The following INPP5F variants were observed in gnomAD, a reference collection of about 807,000 sequenced individuals.
INPP5F encodes the protein inositol polyphosphate-5-phosphatase F.
Under a neutral mutation model 137.2 loss-of-function variants are expected in INPP5F, and 97 were observed. The ratio of observed to expected loss-of-function variants is 0.71; its 90% CI spans 0.60 to 0.84. INPP5F has a LOEUF of 0.84. Among genes scored for constraint, INPP5F ranks in the 40% least tolerant of loss-of-function variants. The probability of loss-of-function intolerance (pLI) is 0.00; values close to 1 mark genes in which losing one functional copy is unlikely to be tolerated. For synonymous variants in INPP5F, 504 were observed against 476.9 expected, an observed-to-expected ratio of 1.06 and a Z score of -0.74; for missense variants, 1,271 against 1,371.9, an observed-to-expected ratio of 0.93 and a Z score of 1.16.
rs143716478 is a variant in INPP5F at position 119,826,911 on chromosome 10, C to G, written c.2530C>G (p.Gln844Glu). Residue 844 changes from glutamine (Q) to glutamate (E), a missense_variant, in exon 20 of 20, where the codon CAG (glutamine) becomes GAG (glutamate). This residue lies in a region of INPP5F where 490 missense variants were observed against 443.7 expected (regional missense o/e 1.10). Transcript: ENST00000650623. ...MENTGVMDKV[Q>E]AESDGDMSSD... ...AAACACAGGAGTGATGGATAAGGTT[C>G]AGGCAGAGTCTGATGGGGACATGTC... is the stretch of plus-strand genomic sequence containing the variant. 3.7e-5 allele frequency: 59 copies of G among 1,614,120 alleles called. No individual in the cohort carries two copies. In the East Asian group the frequency reaches 8.9e-4, roughly 24 times the overall value.
chr10:119,756,633 C>A (rs755402711), intron 2 of INPP5F, among the ~76,000 whole-genome samples: 5 of 151,210 alleles, frequency 3.3e-5, no homozygotes, highest in Non-Finnish European at 5.9e-5. Flanking sequence ...AAGACTCTGT[C>A]AAAAAAACAA....
intron 13 of INPP5F, among the ~76,000 whole-genome samples, chr10:119,809,623 G>C (rs1850948498): frequency 6.6e-6 from 1 of 152,178 alleles, no homozygotes; most frequent in Admixed American, 6.5e-5. Flanking sequence ...TGTGCAGCAA[G>C]GTAAGGAAAC....
chr10:119,765,625 A>G (rs1398998142), intron 2 of INPP5F, among the ~76,000 whole-genome samples: 2 of 146,882 alleles, frequency 1.4e-5, no homozygotes, highest in Non-Finnish European at 3.0e-5. Context: ...CGGGTCATCC[A>G]ACTATCTCGG....
At chr10:119,788,803 T>C (rs1431414022) in intron 3 of INPP5F, among the ~76,000 whole-genome samples, 2 of 152,226 alleles carry the variant, frequency 1.3e-5, no homozygotes, top group African/African-American at 4.8e-5. Flanking sequence ...AAGAGAACAA[T>C]GGACTCGGTC....
chr10:119,796,465 T>A (rs546744718), intron 6 of INPP5F, among the ~76,000 whole-genome samples: 132 of 152,218 alleles, frequency 8.7e-4, no homozygotes, highest in African/African-American at 3.0e-3. Flanking sequence ...CCTCAGTGAG[T>A]TAATAAATGG....
chr10:119,806,533 T>C (rs528251363), intron 12 of INPP5F, 53 bp downstream of exon 12: 50 of 1,501,954 alleles, frequency 3.3e-5, no homozygotes, highest in South Asian at 2.1e-4. Context: ...GCTTTTTTTT[T>C]CCATGAGTAA....
chr10:119,764,303 T>C lies in INPP5F; in HGVS notation c.178+13147T>C, dbSNP rs373807721. Among the ~76,000 whole-genome samples the C allele has an allele frequency of 2.0e-3, 300 of 152,282 alleles. 1 individual carries two copies. The highest frequency in any genetic ancestry group is 6.9e-3 in the African/African-American group (288 of 41,558). Reference sequence around the variant, plus strand: ...CTCGATTAGGGCTTTCCAGAACCAATAGTGTATACGCGCGCATGTGCTTGC... The same window carrying C: ...CTCGATTAGGGCTTTCCAGAACCAACAGTGTATACGCGCGCATGTGCTTGC... On this transcript the variant is annotated intron_variant, in intron 2 of 19. Transcript: ENST00000650623.
chr10:119,791,841 G>A lies in INPP5F; in HGVS notation c.445-28G>A, dbSNP rs117993929. ...CCAGACTACTTTACATTTAATTTCTGTAGTAATAGTAGATTAATTTCTTAT... is the reference window on the plus strand; with the variant it reads ...CCAGACTACTTTACATTTAATTTCTATAGTAATAGTAGATTAATTTCTTAT... On this transcript the variant is annotated intron_variant, in intron 4 of 19. Transcript: ENST00000650623. 3,008 of 1,520,466 alleles carry A rather than the reference G, an allele frequency of 2.0e-3. 6 individuals carry two copies. The highest frequency in any genetic ancestry group is 3.0e-3 in the Middle Eastern group (17 of 5,706). The allele number at this position is 1,520,466 out of a possible 1,614,324, so 94.2% of individuals were successfully genotyped here.
At chr10:119,789,745 A>G (rs931361902) in intron 3 of INPP5F, among the ~76,000 whole-genome samples, 1 of 151,914 alleles carries the variant, frequency 6.6e-6, no homozygotes, top group Non-Finnish European at 1.5e-5. Flanking sequence ...GCATAAGGAC[A>G]GTATTGGAAT....
At chr10:119,805,352 A>C (rs757740143) in intron 10 of INPP5F, 32 bp from the exon 11 acceptor site, 2 of 1,548,684 alleles carry the variant, frequency 1.3e-6, no homozygotes, top group Admixed American at 1.7e-5. Flanking sequence ...ATTAAATTAA[A>C]GATTTTTTCT....
intron 6 of INPP5F, among the ~76,000 whole-genome samples, chr10:119,795,321 CG>C (rs1274664363): frequency 6.6e-6 from 1 of 150,412 alleles, no homozygotes; most frequent in East Asian, 2.0e-4. Flanking sequence ...ACTTCCCAGA[CG>C]GGGTGGCTGC....
chr10:119,765,880 T>TATATAGAG (rs1428376432), intron 2 of INPP5F, among the ~76,000 whole-genome samples: 9 of 144,292 alleles, frequency 6.2e-5, no homozygotes, highest in African/African-American at 2.3e-4. Context: ...TATATATATA[T>TATATAGAG]AGAGAGAGAG....
In INPP5F at chr10:119,811,815, A is replaced by G. The variant is rs763800741; in HGVS notation, c.1746A>G (p.Lys582=). The G allele has an allele frequency of 1.2e-6, 2 of 1,614,192 alleles. No homozygotes were observed. The highest frequency in any genetic ancestry group is 2.2e-5 in the East Asian group (1 of 44,888). ...TTTATTCCATATTTACCAAGGAGAA[A>G]GAACATGAAGCTTTGCATAAGGAAA... ...EDLYSIFTKE[K]EHEALHKENQ... Residue 582 remains lysine (K), a synonymous_variant, in exon 15 of 20, where the codon AAA becomes AAG. Transcript: ENST00000650623.
At chr10:119,766,327 G>T (rs34502763) in intron 2 of INPP5F, among the ~76,000 whole-genome samples, 6,342 of 152,132 alleles carry the variant, frequency 0.042, 240 homozygotes, top group South Asian at 0.22. Flanking sequence ...AGCAATCTGG[G>T]CATCCCTTCC....
At chr10:119,773,649 TCTTTTC>T (rs1849431974) in intron 2 of INPP5F, among the ~76,000 whole-genome samples, 1 of 152,222 alleles carries the variant, frequency 6.6e-6, no homozygotes, top group Non-Finnish European at 1.5e-5. Flanking sequence ...GATTCATTTA[TCTTTTC>T]CTTTACCTAG....
chr10:119,786,064 C>T (rs1218766011), intron 3 of INPP5F, among the ~76,000 whole-genome samples: 1 of 152,118 alleles, frequency 6.6e-6, no homozygotes, highest in African/African-American at 2.4e-5. Flanking sequence ...CCATCAGACA[C>T]CTGTTTAAAA....
At chr10:119,825,892 C>T in intron 19 of INPP5F, 1 of 398,264 alleles carries the variant, frequency 2.5e-6, no homozygotes, top group Non-Finnish European at 4.4e-6. Flanking sequence ...TCCAACAGTA[C>T]AAATGCACAC....
chr10:119,771,490 TCTGTCC>T (rs1482072649), intron 2 of INPP5F, among the ~76,000 whole-genome samples: 2 of 152,096 alleles, frequency 1.3e-5, no homozygotes, highest in Non-Finnish European at 2.9e-5. Flanking sequence ...CCCTCACTCC[TCTGTCC>T]CTATCTGCCC....
At chr10:119,796,978 G>A (rs1850407690) in intron 7 of INPP5F, 65 bp downstream of exon 7, 1 of 1,381,930 alleles carries the variant, frequency 7.2e-7, no homozygotes, top group African/African-American at 1.4e-5. Context: ...CTGCAGATGT[G>A]TTGAAATGCT....
Sources: allele counts gnomAD v4.1 joint callset (sites outside exome capture counted in the v4.1 genomes callset), GRCh38; gene constraint gnomAD v4.1.1; regional missense constraint gnomAD v4.1.1; transcripts MANE v1.5; gene names NCBI Gene and HGNC (gene_info 2026-07-23, HGNC 2026-07-21).